The following LINGO2 variants were observed in gnomAD, a reference collection of about 807,000 sequenced individuals.
LINGO2 encodes leucine rich repeat and Ig domain containing 2.
A neutral mutation model predicts 30.6 loss-of-function variants in LINGO2; 14 were observed. That is an observed-to-expected ratio of 0.46 (90% CI 0.30 to 0.72). The LOEUF (loss-of-function observed/expected upper bound fraction) is 0.72, where lower values mean the gene tolerates loss of function less well. Among genes scored for constraint, LINGO2 ranks in the 30% least tolerant of loss-of-function variants. The probability of loss-of-function intolerance (pLI) is 0.07; values close to 1 mark genes in which losing one functional copy is unlikely to be tolerated. For missense variants in LINGO2, 729 were observed against 751.7 expected (o/e 0.97, Z 0.35); for synonymous variants, 317 against 288.5 (o/e 1.10, Z -1.00).
intron 4 of LINGO2, chr9:28,080,741 A>G (rs1825750076): frequency 6.6e-6 from 1 of 152,234 alleles, no homozygotes; most frequent in East Asian, 1.9e-4. Flanking sequence ...ATCAATAAAT[A>G]TTTGTTGAAT....
At chr9:28,197,212 G>A (rs375584085) in intron 4 of LINGO2, among the ~76,000 whole-genome samples, 1 of 151,816 alleles carries the variant, frequency 6.6e-6, no homozygotes, top group Non-Finnish European at 1.5e-5. Flanking sequence ...TTAAAACTTT[G>A]TTTTTAATTT....
At chr9:28,097,665 T>A (rs1163135820) in intron 4 of LINGO2, among the ~76,000 whole-genome samples, 1 of 114,164 alleles carries the variant, frequency 8.8e-6, no homozygotes, top group African/African-American at 3.5e-5. Context: ...AAGGGGAATA[T>A]CACACTCTGG....
At chr9:28,126,812 C>T (rs1827248317) in intron 4 of LINGO2, among the ~76,000 whole-genome samples, 2 of 152,178 alleles carry the variant, frequency 1.3e-5, no homozygotes, top group Admixed American at 6.5e-5. Context: ...AATAGCTCTT[C>T]AACTGGGGAT....
At chr9:28,844,580 G>A in the LINGO2 span, among the ~76,000 whole-genome samples, 1 of 151,612 alleles carries the variant, frequency 6.6e-6, no homozygotes, top group Non-Finnish European at 1.5e-5. Context: ...GTTCCATCCT[G>A]AGCTGATTTT....
intron 5 of LINGO2, among the ~76,000 whole-genome samples, chr9:28,008,667 A>G (rs1294173598): frequency 6.6e-6 from 1 of 152,202 alleles, no homozygotes; most frequent in East Asian, 1.9e-4. Context: ...TGAAATTTAA[A>G]AAATTGAATT....
chr9:28,380,755 AT>A (rs1181491484), intron 2 of LINGO2, among the ~76,000 whole-genome samples: 22 of 152,100 alleles, frequency 1.4e-4, no homozygotes, highest in Admixed American at 1.2e-3. Context: ...TGACAGCGAT[AT>A]GTAGGATAGA....
the LINGO2 span, among the ~76,000 whole-genome samples, chr9:28,923,822 C>A: frequency 3.3e-5 from 5 of 152,096 alleles, no homozygotes; most frequent in Admixed American, 3.3e-4. Context: ...CAATTATTAA[C>A]TAGTGAGTGA....
chr9:28,853,059 T>A, the LINGO2 span, among the ~76,000 whole-genome samples: 2 of 152,042 alleles, frequency 1.3e-5, no homozygotes, highest in Non-Finnish European at 2.9e-5. Flanking sequence ...CCTGGAGCCA[T>A]GTGGCTCCCA....
At chr9:28,651,344 A>C (rs971559667) in intron 1 of LINGO2, among the ~76,000 whole-genome samples, 8 of 152,140 alleles carry the variant, frequency 5.3e-5, no homozygotes, top group Admixed American at 5.2e-4. Flanking sequence ...GGCAGAGTTT[A>C]ATAGGCTTAG....
intron 3 of LINGO2, among the ~76,000 whole-genome samples, chr9:28,331,065 T>C (rs549213710): frequency 6.6e-6 from 1 of 152,104 alleles, no homozygotes; most frequent in East Asian, 1.9e-4. Flanking sequence ...AAATATTTAT[T>C]ATTTATTAAG....
chr9:28,611,948 G>A (rs1315642320), intron 1 of LINGO2, among the ~76,000 whole-genome samples: 1 of 152,046 alleles, frequency 6.6e-6, no homozygotes, highest in African/African-American at 2.4e-5. Context: ...AGCCTCCTGA[G>A]TAGCTGGGAC....
At chr9:28,857,343 CAT>C in the LINGO2 span, among the ~76,000 whole-genome samples, 1 of 152,084 alleles carries the variant, frequency 6.6e-6, no homozygotes, top group African/African-American at 2.4e-5. Context: ...GCCTTTATTA[CAT>C]GTTACTTATA....
chr9:28,045,868 T>G (rs1406393106), intron 4 of LINGO2, among the ~76,000 whole-genome samples: 2 of 152,170 alleles, frequency 1.3e-5, no homozygotes, highest in Non-Finnish European at 2.9e-5. Context: ...AACTACAATG[T>G]TCTTCCCATC....
the LINGO2 span, among the ~76,000 whole-genome samples, chr9:28,813,071 A>T: frequency 9.9e-5 from 1 of 10,072 alleles, no homozygotes; most frequent in East Asian, 0.013. Flanking sequence ...TACTGCAGTA[A>T]AAAAAAAAAA....
chr9:28,353,763 AC>A (rs1451255024), intron 3 of LINGO2, among the ~76,000 whole-genome samples: 5 of 152,146 alleles, frequency 3.3e-5, no homozygotes, highest in African/African-American at 1.2e-4. Context: ...CAAATGTCCA[AC>A]AATGATAGAC....
At chr9:28,073,405 T>C (rs1006778964) in intron 4 of LINGO2, among the ~76,000 whole-genome samples, 1 of 151,904 alleles carries the variant, frequency 6.6e-6, no homozygotes, top group African/African-American at 2.4e-5. Flanking sequence ...TTGTATATAT[T>C]AATAGTTAAA....
At chr9:28,712,867 A>G in the LINGO2 span, among the ~76,000 whole-genome samples, 10 of 151,950 alleles carry the variant, frequency 6.6e-5, no homozygotes, top group South Asian at 2.1e-3. Flanking sequence ...TTAAATTTTC[A>G]TTTATTCATT....
intron 2 of LINGO2, among the ~76,000 whole-genome samples, chr9:28,444,413 A>C (rs1824331234): frequency 6.6e-6 from 1 of 152,204 alleles, no homozygotes; most frequent in African/African-American, 2.4e-5. Flanking sequence ...CAAGCCCATG[A>C]GTTGTGGGCC....
intron 1 of LINGO2, among the ~76,000 whole-genome samples, chr9:28,583,668 G>C (rs1013801726): frequency 4.6e-5 from 7 of 151,884 alleles, no homozygotes; most frequent in African/African-American, 1.7e-4. Flanking sequence ...TTTATCTGAA[G>C]GTACAAACAA....
Sources: allele counts gnomAD v4.1 joint callset (sites outside exome capture counted in the v4.1 genomes callset), GRCh38; gene constraint gnomAD v4.1.1; transcripts MANE v1.5; gene names NCBI Gene and HGNC (gene_info 2026-07-23, HGNC 2026-07-21).